The following SNAP91 variants were observed in gnomAD, a reference collection of about 807,000 sequenced individuals.
The protein encoded by SNAP91 is synaptosome associated protein 91.
Under a neutral mutation model 100.3 loss-of-function variants are expected in SNAP91, and 27 were observed. The observed-to-expected ratio is 0.27, with a 90% CI of 0.20 to 0.37. The LOEUF (loss-of-function observed/expected upper bound fraction) is 0.37, where lower values mean the gene tolerates loss of function less well. Ranked by LOEUF, SNAP91 falls within the 10% of genes least tolerant of loss-of-function variation. The pLI is 1.00. For missense variants in SNAP91, 986 were observed against 1,123.7 expected, an observed-to-expected ratio of 0.88 and a Z score of 1.75; for synonymous variants, 404 against 398.6, an observed-to-expected ratio of 1.01 and a Z score of -0.16.
chr6:83,558,048 C>T (rs926992297), intron 28 of SNAP91, among the ~76,000 whole-genome samples: 7 of 151,902 alleles, frequency 4.6e-5, no homozygotes, highest in Admixed American at 1.3e-4. Context: ...GTATTCCCAT[C>T]ATACTATCTA....
rs1285510112 is a variant in SNAP91 at position 83,560,222 on chromosome 6, A to G, written c.2527-14T>C. On this transcript the variant is annotated splice_polypyrimidine_tract_variant and intron_variant, in intron 27 of 29. Transcript: ENST00000369694. ...CCCAGCAGGAGGCTGAGGAGGAAGA[A>G]TGGAGAGTGGTTCAGAGCATGAGTG... The G allele has an allele frequency of 6.2e-7, 1 of 1,604,712 alleles. No individual in the cohort carries two copies. Among genetic ancestry groups the G allele is most frequent in the Non-Finnish European group, 8.5e-7 (1 of 1,171,848 alleles).
Position 83,601,530 on chromosome 6 carries a change from T to C in SNAP91, c.1156+55A>G, listed in dbSNP as rs9449666. 5.2e-3 allele frequency: 8,403 copies of C among 1,611,642 alleles called. 369 individuals carry two copies. In the African/African-American group the frequency reaches 0.096, roughly 18 times the overall value. Reference sequence around the variant, plus strand: ...CTCCAAATGATCAAAATAAGGACAGTTGTTACATACAGAAGTCTGTCAAAA... The same window carrying C: ...CTCCAAATGATCAAAATAAGGACAGCTGTTACATACAGAAGTCTGTCAAAA... On this transcript the variant is annotated intron_variant, in intron 15 of 29. Transcript: ENST00000369694.
At chr6:83,621,542 T>C (rs569477293) in intron 9 of SNAP91, among the ~76,000 whole-genome samples, 1 of 152,290 alleles carries the variant, frequency 6.6e-6, no homozygotes, top group African/African-American at 2.4e-5. Flanking sequence ...CAGTAAAATA[T>C]AATGTTTCTG....
intron 3 of SNAP91, 122 bp downstream of exon 3, chr6:83,665,317 A>G: frequency 1.1e-6 from 1 of 951,706 alleles, no homozygotes. Flanking sequence ...ATGATCCGGA[A>G]CTGTGTATTT....
chr6:83,654,729 A>C (rs2098342880), intron 7 of SNAP91, among the ~76,000 whole-genome samples: 2 of 152,176 alleles, frequency 1.3e-5, no homozygotes, highest in South Asian at 4.1e-4. Context: ...GTATACTCGC[A>C]TATTTGTTTT....
intron 5 of SNAP91, 83 bp downstream of exon 5, chr6:83,661,419 G>T: frequency 2.7e-6 from 2 of 736,740 alleles, no homozygotes; most frequent in South Asian, 2.4e-5. Flanking sequence ...AAATTAGCTG[G>T]CATTTAAGCT....
chr6:83,708,047 G>T, intron 1 of SNAP91, 90 bp from the exon 2 acceptor site: 2 of 1,213,766 alleles, frequency 1.6e-6, no homozygotes, highest in Non-Finnish European at 2.2e-6. Flanking sequence ...CCGCGCGGCG[G>T]CTCTCTCCTC....
At chr6:83,637,983 G>C (rs564783565) in intron 8 of SNAP91, among the ~76,000 whole-genome samples, 6 of 152,142 alleles carry the variant, frequency 3.9e-5, no homozygotes, top group Non-Finnish European at 7.4e-5. Context: ...AGGGAAGCGC[G>C]GGGGCTGCGC....
intron 13 of SNAP91, among the ~76,000 whole-genome samples, chr6:83,606,185 C>T (rs2095602408): frequency 6.6e-6 from 1 of 152,132 alleles, no homozygotes; most frequent in African/African-American, 2.4e-5. Context: ...AAATCAAAAT[C>T]ATAACCTTGA....
intron 7 of SNAP91, among the ~76,000 whole-genome samples, chr6:83,651,458 G>T (rs534535727): frequency 6.6e-6 from 1 of 152,188 alleles, no homozygotes; most frequent in African/African-American, 2.4e-5. Flanking sequence ...GCATCATTTA[G>T]TTCAAAATAT....
At chr6:83,590,503 G>A (rs2093587586) in intron 22 of SNAP91, among the ~76,000 whole-genome samples, 1 of 151,638 alleles carries the variant, frequency 6.6e-6, no homozygotes, top group Admixed American at 6.6e-5. Context: ...ACCCTGTTGA[G>A]CTGAGATCAC....
At chr6:83,559,973 G>T in intron 28 of SNAP91, 131 bp downstream of exon 28, 1 of 735,314 alleles carries the variant, frequency 1.4e-6, no homozygotes, top group South Asian at 1.7e-5. Flanking sequence ...TGTCTTCCAA[G>T]CTCCCTTTAC....
intron 2 of SNAP91, among the ~76,000 whole-genome samples, chr6:83,701,210 GGTTT>G (rs761989902): frequency 1.1e-4 from 16 of 152,068 alleles, no homozygotes; most frequent in Non-Finnish European, 2.4e-4. Context: ...ACATGTGTGT[GGTTT>G]GTTTGTTTTA....
At chr6:83,608,437 T>C (rs1451616821) in intron 12 of SNAP91, among the ~76,000 whole-genome samples, 1 of 152,202 alleles carries the variant, frequency 6.6e-6, no homozygotes, top group Non-Finnish European at 1.5e-5. Context: ...AGTCAATTAA[T>C]ATATTACAAG....
intron 2 of SNAP91, among the ~76,000 whole-genome samples, chr6:83,684,198 GCAT>G (rs903959275): frequency 6.6e-6 from 1 of 152,092 alleles, no homozygotes; most frequent in African/African-American, 2.4e-5. Context: ...TCTCTTTCAT[GCAT>G]CTGGACTGGC....
chr6:83,656,222 G>A (rs896972974), intron 7 of SNAP91, among the ~76,000 whole-genome samples: 1 of 152,150 alleles, frequency 6.6e-6, no homozygotes, highest in Non-Finnish European at 1.5e-5. Flanking sequence ...TAGAGAGCAT[G>A]AGACTATATT....
chr6:83,697,984 C>A (rs1167084827), intron 2 of SNAP91, among the ~76,000 whole-genome samples: 1 of 151,932 alleles, frequency 6.6e-6, no homozygotes, highest in East Asian at 1.9e-4. Flanking sequence ...ATGAAAGAAA[C>A]AAATGCACAG....
chr6:83,611,522 G>T (rs2096071371), intron 11 of SNAP91: 2 of 444,264 alleles, frequency 4.5e-6, no homozygotes. Context: ...TATATTCACC[G>T]CCTTACTGCA....
rs73484878 is a variant in SNAP91, at chr6:83,602,188, G to A, written c.1142-589C>T. On this transcript the variant is annotated intron_variant, in intron 14 of 29. Coordinates refer to ENST00000369694, the MANE Select transcript of SNAP91 (RefSeq NM_001242792.2). Reference sequence around the variant, plus strand: ...AAAAATCCTCTGTATTCTTTCAGCCGATTGGGTTCATCACCAGCCTGTAGA... The same window carrying A: ...AAAAATCCTCTGTATTCTTTCAGCCAATTGGGTTCATCACCAGCCTGTAGA... 4.9e-3 allele frequency among the ~76,000 whole-genome samples: 741 copies of A among 152,198 alleles called. 3 individuals carry two copies. The highest frequency in any genetic ancestry group is 0.017 in the African/African-American group (698 of 41,532).
Sources: gnomAD v4.1 joint callset for allele counts (sites outside exome capture counted in the v4.1 genomes callset) on GRCh38, gnomAD v4.1.1 for gene constraint, MANE v1.5 for transcripts, NCBI Gene and HGNC (gene_info 2026-07-23, HGNC 2026-07-21) for gene names.